DLD: variants seen among roughly 807,000 people sequenced by gnomAD.
DLD encodes the protein dihydrolipoyl dehydrogenase, mitochondrial.
In DLD, 36 loss-of-function variants were observed where a neutral mutation model predicts 62.2. The ratio of observed to expected loss-of-function variants is 0.58; its 90% confidence interval spans 0.44 to 0.76. The LOEUF is 0.76. DLD is among the 30% of genes least tolerant of loss of function. The pLI, the probability that DLD is intolerant of heterozygous loss-of-function variation, is 0.00. For synonymous variants in DLD, 204 were observed against 199.6 expected (o/e 1.02, Z -0.19); for missense variants, 541 against 608.6 (o/e 0.89, Z 1.17).
At chr7:107,904,080 A>G (rs2116216293) in intron 5 of DLD, among the ~76,000 whole-genome samples, 1 of 152,228 alleles carries the variant, frequency 6.6e-6, no homozygotes, top group East Asian at 1.9e-4. Context: ...AGATACTTCC[A>G]GAAAGGTAGT....
At chr7:107,901,236 T>G (rs1231701161) in intron 2 of DLD, among the ~76,000 whole-genome samples, 1 of 152,150 alleles carries the variant, frequency 6.6e-6, no homozygotes, top group Non-Finnish European at 1.5e-5. Context: ...TATAAAATTA[T>G]CTTATTTAAT....
At chr7:107,918,095 G>T in intron 12 of DLD, 34 bp downstream of exon 12, 3 of 1,613,030 alleles carry the variant, frequency 1.9e-6, no homozygotes, top group Non-Finnish European at 2.5e-6. Context: ...ATCCCATTAA[G>T]ATTTCTAGAA....
intron 9 of DLD, 89 bp downstream of exon 9, chr7:107,915,785 G>GT (rs1299057202): frequency 3.3e-5 from 39 of 1,196,298 alleles, no homozygotes; most frequent in Non-Finnish European, 4.5e-5. Flanking sequence ...CAAATATAGG[G>GT]TTTTTTCTAA....
At chr7:107,912,772 TC>T (rs2032174751) in intron 8 of DLD, among the ~76,000 whole-genome samples, 1 of 152,192 alleles carries the variant, frequency 6.6e-6, no homozygotes, top group African/African-American at 2.4e-5. Context: ...GTGGACTGTT[TC>T]CTTGGCTGTG....
chr7:107,916,793 G>C lies in DLD; in HGVS notation c.876-1G>C. 1 of 1,612,896 alleles carries C rather than the reference G, an allele frequency of 6.2e-7. No individual in the cohort carries two copies. ...ACATTTATACACTGTTTGTTATCTAGTATTGAAGCTGCTTCTGGTGGTAAA... is the reference window on the plus strand; with the variant it reads ...ACATTTATACACTGTTTGTTATCTACTATTGAAGCTGCTTCTGGTGGTAAA... On this transcript the variant is annotated splice_acceptor_variant, in intron 9 of 13. Transcript: ENST00000205402. LOFTEE classifies it high-confidence loss of function.
At chr7:107,909,650 G>T (rs2032090876) in intron 8 of DLD, among the ~76,000 whole-genome samples, 1 of 152,132 alleles carries the variant, frequency 6.6e-6, no homozygotes, top group South Asian at 2.1e-4. Context: ...AGTGTCTACT[G>T]ATTGTGAAAC....
chr7:107,911,851 C>T (rs1190473262), intron 8 of DLD, among the ~76,000 whole-genome samples: 1 of 152,000 alleles, frequency 6.6e-6, no homozygotes, highest in Non-Finnish European at 1.5e-5. Context: ...GAATTATTCT[C>T]TTCTAGCTAT....
At position 107,919,301 on chromosome 7, in the gene DLD, G is replaced by A. The variant is rs1247684009; in HGVS notation, c.*42G>A. 6.7e-7 allele frequency: 1 copy of A among 1,502,580 alleles called. No homozygotes were observed. Among genetic ancestry groups the A allele is most frequent in the Admixed American group, 1.7e-5 (1 of 59,338 alleles). The allele number at this position is 1,502,580 out of a possible 1,614,324, so 93.1% of individuals were successfully genotyped here. On this transcript the variant is annotated 3_prime_UTR_variant, in exon 14 of 14. Transcript: ENST00000205402. ...TATTTTTTTCTGAAATTTCCTGGGAGCTTTTGTAGAAGTCACATTCCTGAA... is the reference window on the plus strand; with the variant it reads ...TATTTTTTTCTGAAATTTCCTGGGAACTTTTGTAGAAGTCACATTCCTGAA...
chr7:107,901,913 A>G, intron 3 of DLD, 96 bp downstream of exon 3: 9 of 923,238 alleles, frequency 9.7e-6, no homozygotes, highest in Non-Finnish European at 1.6e-5. Context: ...CATGGTAAAT[A>G]CTTCCTTAAC....
At chr7:107,916,701 C>A in intron 9 of DLD, 93 bp from the exon 10 acceptor site, 3 of 1,288,426 alleles carry the variant, frequency 2.3e-6, no homozygotes, top group Non-Finnish European at 3.4e-6. Context: ...ATGAAAATGT[C>A]ATCAACACTT....
At chr7:107,895,612 G>A (rs774733777) in intron 2 of DLD, among the ~76,000 whole-genome samples, 2 of 152,168 alleles carry the variant, frequency 1.3e-5, no homozygotes, top group Non-Finnish European at 2.9e-5. Context: ...TGAGCAAGAC[G>A]GACAAGACCC....
At chr7:107,901,338 G>A (rs1401333362) in intron 2 of DLD, among the ~76,000 whole-genome samples, 2 of 152,104 alleles carry the variant, frequency 1.3e-5, no homozygotes, top group African/African-American at 4.8e-5. Context: ...CTCATTGGCC[G>A]TGCTGAGATA....
chr7:107,920,687 T>C lies in DLD; in HGVS notation c.*1428T>C, dbSNP rs2032389546. Reference sequence around the variant, plus strand: ...GGGTTTCCCCTTTATGTTCCAGCTGTTGTGGTTGCCCCATATTCTGCCTTC... The same window carrying C: ...GGGTTTCCCCTTTATGTTCCAGCTGCTGTGGTTGCCCCATATTCTGCCTTC... On this transcript the variant is annotated 3_prime_UTR_variant, in exon 14 of 14. Transcript: ENST00000205402. 6.6e-6 allele frequency: 1 copy of C among 152,210 alleles called. No individual in the cohort carries two copies. Among genetic ancestry groups the C allele is most frequent in the East Asian group, 1.9e-4 (1 of 5,200 alleles). The allele number at this position is 152,210 out of a possible 1,614,324, so 9.4% of individuals were successfully genotyped here.
At chr7:107,914,349 A>G (rs181157314) in intron 8 of DLD, among the ~76,000 whole-genome samples, 37 of 152,168 alleles carry the variant, frequency 2.4e-4, no homozygotes, top group Admixed American at 2.2e-3. Flanking sequence ...TGTGTTCTCA[A>G]TGTTATCTAA....
At position 107,920,211 on chromosome 7, in the gene DLD, G is replaced by T. The variant is rs2032375382; in HGVS notation, c.*952G>T. 1 of 152,230 alleles carries T rather than the reference G, an allele frequency of 6.6e-6. No individual in the cohort carries two copies. Among genetic ancestry groups the T allele is most frequent in the South Asian group, 2.1e-4 (1 of 4,822 alleles). 9.4% of individuals were successfully genotyped at this position (152,230 alleles called of 1,614,324 possible). On this transcript the variant is annotated 3_prime_UTR_variant, in exon 14 of 14. Transcript: ENST00000205402. ...TTTAATCTGTGTTTTCCTTGGCTGG[G>T]TTAATGACTGTTTATTTAAAGAGTG...
At chr7:107,906,959 G>C (rs1477132263) in intron 8 of DLD, among the ~76,000 whole-genome samples, 2 of 152,142 alleles carry the variant, frequency 1.3e-5, no homozygotes, top group Non-Finnish European at 2.9e-5. Context: ...AATAAATTCA[G>C]ATATTTTATT....
chr7:107,891,260 T>C lies in DLD; in HGVS notation c.10T>C (p.Trp4Arg), dbSNP rs760063079. Residue 4 changes from tryptophan (W) to arginine (R), a missense_variant, in exon 1 of 14, where the codon TGG becomes CGG. By Grantham distance (101) the Trp-to-Arg change is moderately radical. Transcript: ENST00000205402. MQS[W>R]SRVYCSLAKR... Reference sequence around the variant, plus strand: ...AAAATACAGCGGAAAAATGCAGAGCTGGAGTCGTGTGTACTGCTCCTTGGC... The same window carrying C: ...AAAATACAGCGGAAAAATGCAGAGCCGGAGTCGTGTGTACTGCTCCTTGGC... 4 of 1,614,010 alleles carry C rather than the reference T, an allele frequency of 2.5e-6. No individual in the cohort carries two copies. The highest frequency in any genetic ancestry group is 3.4e-6 in the Non-Finnish European group (4 of 1,179,978).
upstream of DLD, chr7:107,891,175 G>A (rs1020366047): frequency 1.5e-5 from 24 of 1,576,488 alleles, no homozygotes; most frequent in Admixed American, 8.5e-5. Flanking sequence ...TGCGCAGGGA[G>A]GGGAGACCTT....
chr7:107,916,207 G>C (rs897945738), intron 9 of DLD, among the ~76,000 whole-genome samples: 3 of 152,170 alleles, frequency 2.0e-5, no homozygotes, highest in Admixed American at 6.5e-5. Flanking sequence ...GTGGGTGGCA[G>C]TCAGTAGTTG....
Sources: gnomAD v4.1 joint callset for allele counts (sites outside exome capture counted in the v4.1 genomes callset) on GRCh38, gnomAD v4.1.1 for gene constraint, MANE v1.5 for transcripts, NCBI Gene and HGNC (gene_info 2026-07-23, HGNC 2026-07-21) for gene names.